FOCAD: variants seen among roughly 807,000 people sequenced by gnomAD.
The protein encoded by FOCAD is focadhesin.
Under a neutral mutation model 225.6 loss-of-function variants are expected in FOCAD, and 198 were observed. The observed-to-expected ratio is 0.88, with a 90% CI of 0.78 to 0.99. The LOEUF (loss-of-function observed/expected upper bound fraction) is 0.99. FOCAD is among the 50% of genes least tolerant of loss of function. The probability of loss-of-function intolerance (pLI) is 0.00; values close to 1 mark genes in which losing one functional copy is unlikely to be tolerated. For missense variants in FOCAD, 2,713 were observed against 2,123.6 expected, an observed-to-expected ratio of 1.28 and a Z score of -5.46; for synonymous variants, 897 against 755.0, an observed-to-expected ratio of 1.19 and a Z score of -3.08.
In FOCAD at chr9:20,770,209, T is replaced by A; in HGVS notation, c.877T>A (p.Leu293Ile). The change falls in exon 8 of 44, where the codon TTA (leucine) becomes ATA (isoleucine). Residue 293 changes from leucine to isoleucine, a missense_variant. Leu to Ile is a conservative substitution (Grantham distance 5). Transcript: ENST00000338382. ...TGECSSSIHL[L>I]EHSVELLKED... The stretch of plus-strand genomic sequence containing the variant: ...TGAATGTTCATCTTCAATTCACCTT[T>A]TAGAGCACAGTGTTGAACTTCTGAA... 1 of 1,614,068 alleles carries A rather than the reference T, an allele frequency of 6.2e-7. No homozygotes were observed. The highest frequency in any genetic ancestry group is 1.3e-5 in the African/African-American group (1 of 75,052).
intron 35 of FOCAD, among the ~76,000 whole-genome samples, chr9:20,965,865 T>G (rs533378094): frequency 6.6e-6 from 1 of 152,338 alleles, no homozygotes; most frequent in Admixed American, 6.5e-5. Flanking sequence ...TATCAGTACT[T>G]CATTCATTTT....
intron 10 of FOCAD, among the ~76,000 whole-genome samples, chr9:20,783,375 T>C (rs1819596204): frequency 6.6e-6 from 1 of 152,144 alleles, no homozygotes; most frequent in East Asian, 1.9e-4. Context: ...CACATTTTAC[T>C]GTTGGCTTTT....
In FOCAD at chr9:20,825,983, A is replaced by G. The variant is rs1050542784; in HGVS notation, c.1920+2868A>G. Among the ~76,000 whole-genome samples the G allele has an allele frequency of 3.3e-5, 5 of 152,116 alleles. No homozygotes were observed. In the South Asian group the frequency reaches 8.3e-4, roughly 25 times the overall value. ...TAGTCTGGCTGTCTGGAATTGGTAAAGAGAAATTTGTCCCTTCCTTAATGC... is the reference window on the plus strand; with the variant it reads ...TAGTCTGGCTGTCTGGAATTGGTAAGGAGAAATTTGTCCCTTCCTTAATGC... On this transcript the variant is annotated intron_variant, in intron 15 of 43. Coordinates refer to ENST00000338382, the MANE Select transcript of FOCAD (RefSeq NM_001375567.1).
chr9:20,728,244 T>A (rs1826376102), intron 4 of FOCAD, among the ~76,000 whole-genome samples: 1 of 152,190 alleles, frequency 6.6e-6, no homozygotes, highest in Non-Finnish European at 1.5e-5. Context: ...CAGAAGTGTT[T>A]CAGATTTTAT....
chr9:20,810,544 A>G (rs910554465), intron 11 of FOCAD, among the ~76,000 whole-genome samples: 2 of 152,176 alleles, frequency 1.3e-5, no homozygotes, highest in African/African-American at 4.8e-5. Context: ...TTCTATGGAT[A>G]CAGGAATTCA....
At chr9:20,760,699 G>A (rs888546805) in intron 6 of FOCAD, among the ~76,000 whole-genome samples, 1 of 152,140 alleles carries the variant, frequency 6.6e-6, no homozygotes, top group African/African-American at 2.4e-5. Flanking sequence ...CCTTACAGTT[G>A]CGACATTATC....
intron 10 of FOCAD, among the ~76,000 whole-genome samples, chr9:20,783,740 C>G (rs991377391): frequency 1.1e-4 from 17 of 151,958 alleles, no homozygotes; most frequent in African/African-American, 4.1e-4. Flanking sequence ...AAAAATTGAA[C>G]ACTAATTGTA....
At chr9:20,681,691 A>G (rs935145103), upstream of FOCAD, among the ~76,000 whole-genome samples, 2 of 152,286 alleles carry the variant, frequency 1.3e-5, no homozygotes, top group East Asian at 3.9e-4. Flanking sequence ...TCATCTTGGT[A>G]TCTCCTGTGC....
chr9:20,990,288 G>A lies in FOCAD; in HGVS notation c.5170G>A (p.Val1724Ile), dbSNP rs765649827. ...CCTTGGCAGGAGTCCAATGCACAGGGTCACTCTGCAGGAGGTTCTCACTCT... is the reference window on the plus strand; with the variant it reads ...CCTTGGCAGGAGTCCAATGCACAGGATCACTCTGCAGGAGGTTCTCACTCT... Reference protein sequence around the residue: ...SFLGRSPMHRVTLQEVLTLLP... With the variant: ...SFLGRSPMHRITLQEVLTLLP... Residue 1724 changes from valine (V) to isoleucine (I), a missense_variant, in exon 42 of 44, where the codon GTC becomes ATC. Transcript: ENST00000338382. 3 of 1,614,128 alleles carry A rather than the reference G, an allele frequency of 1.9e-6. No homozygotes were observed. The highest frequency in any genetic ancestry group is 1.7e-6 in the Non-Finnish European group (2 of 1,180,010).
chr9:20,834,390 C>A (rs571729600), intron 15 of FOCAD, among the ~76,000 whole-genome samples: 2 of 151,998 alleles, frequency 1.3e-5, no homozygotes, highest in Non-Finnish European at 2.9e-5. Flanking sequence ...GAGCAAGCAT[C>A]GCACACGTTT....
chr9:20,715,111 G>A (rs988477214), intron 1 of FOCAD, among the ~76,000 whole-genome samples: 7 of 152,190 alleles, frequency 4.6e-5, no homozygotes, highest in African/African-American at 9.7e-5. Flanking sequence ...ACCAAGAGCT[G>A]TTGGGCATTT....
intron 11 of FOCAD, among the ~76,000 whole-genome samples, chr9:20,817,383 C>G (rs980756745): frequency 6.6e-6 from 1 of 152,116 alleles, no homozygotes; most frequent in African/African-American, 2.4e-5. Flanking sequence ...TGACCACCCC[C>G]TGCTTCTTAC....
chr9:20,868,511 G>A (rs984101422), intron 18 of FOCAD, among the ~76,000 whole-genome samples: 4 of 151,978 alleles, frequency 2.6e-5, no homozygotes, highest in Admixed American at 2.0e-4. Flanking sequence ...CCAAGTGTTA[G>A]CTACTTCCTT....
At chr9:20,722,953 A>C (rs1244664774) in intron 4 of FOCAD, among the ~76,000 whole-genome samples, 1 of 152,202 alleles carries the variant, frequency 6.6e-6, no homozygotes, top group African/African-American at 2.4e-5. Context: ...TCAGCAGCTC[A>C]TGGGGCCAAT....
chr9:20,948,975 G>T, intron 32 of FOCAD, 47 bp downstream of exon 32: 1 of 1,538,226 alleles, frequency 6.5e-7, no homozygotes, highest in Non-Finnish European at 9.0e-7. Flanking sequence ...TATGTACATA[G>T]CCATAGCGGG....
upstream of FOCAD, among the ~76,000 whole-genome samples, chr9:20,683,042 G>T (rs1212879546): frequency 6.6e-6 from 1 of 152,146 alleles, no homozygotes; most frequent in Non-Finnish European, 1.5e-5. Flanking sequence ...TGGGATTACA[G>T]GTGTGAGCCC....
chr9:20,794,893 A>G (rs181886381), intron 11 of FOCAD, among the ~76,000 whole-genome samples: 1 of 152,294 alleles, frequency 6.6e-6, no homozygotes, highest in Admixed American at 6.5e-5. Context: ...AGAATTTGAT[A>G]ATGTTTCAAT....
chr9:20,697,581 C>A (rs1048548241), intron 1 of FOCAD, among the ~76,000 whole-genome samples: 2 of 152,230 alleles, frequency 1.3e-5, no homozygotes, highest in Non-Finnish European at 2.9e-5. Context: ...CACATTACTT[C>A]CTTCAGGTGT....
At chr9:20,873,234 C>T (rs1829950875) in intron 18 of FOCAD, among the ~76,000 whole-genome samples, 1 of 151,942 alleles carries the variant, frequency 6.6e-6, no homozygotes, top group Admixed American at 6.6e-5. Context: ...TTTGTTTTGC[C>T]ACGTTACTAT....
Sources: allele counts gnomAD v4.1 joint callset (sites outside exome capture counted in the v4.1 genomes callset), GRCh38; gene constraint gnomAD v4.1.1; transcripts MANE v1.5; gene names NCBI Gene and HGNC (gene_info 2026-07-23, HGNC 2026-07-21).